Variants in NOS1AP observed in about 807,000 individuals in gnomAD.
The protein encoded by NOS1AP is nitric oxide synthase 1 adaptor protein.
Under a neutral mutation model 56.2 loss-of-function variants are expected in NOS1AP, and 21 were observed. The ratio of observed to expected loss-of-function variants is 0.37; its 90% confidence interval spans 0.26 to 0.54. NOS1AP has a LOEUF of 0.54. Ranked by LOEUF, NOS1AP falls within the 20% of genes least tolerant of loss-of-function variation. The pLI, the probability that NOS1AP is intolerant of heterozygous loss-of-function variation, is 0.84. For missense variants in NOS1AP, 522 were observed against 657.8 expected (o/e 0.79, Z 2.26); for synonymous variants, 270 against 274.6 (o/e 0.98, Z 0.17).
At chr1:162,166,321 G>A (rs1650494428) in intron 2 of NOS1AP, among the ~76,000 whole-genome samples, 1 of 152,218 alleles carries the variant, frequency 6.6e-6, no homozygotes, top group Admixed American at 6.5e-5. Context: ...TGAACTCAGA[G>A]CAAGGCACAT....
At chr1:162,081,434 G>A (rs1691883037) in intron 1 of NOS1AP, among the ~76,000 whole-genome samples, 1 of 151,966 alleles carries the variant, frequency 6.6e-6, no homozygotes. Context: ...GCTCTGGGAG[G>A]CCCTTCCTGG....
chr1:162,178,148 A>G (rs1349718440), intron 2 of NOS1AP, among the ~76,000 whole-genome samples: 1 of 152,218 alleles, frequency 6.6e-6, no homozygotes, highest in Non-Finnish European at 1.5e-5. Context: ...TATGCATTTA[A>G]GATTCCTCTA....
intron 1 of NOS1AP, among the ~76,000 whole-genome samples, chr1:162,117,807 G>A (rs1648030387): frequency 6.6e-6 from 1 of 152,216 alleles, no homozygotes; most frequent in South Asian, 2.1e-4. Flanking sequence ...AGGAAAAGGT[G>A]CCTAGCCCAG....
At chr1:162,215,652 G>A (rs1037509115) in intron 2 of NOS1AP, among the ~76,000 whole-genome samples, 5 of 152,184 alleles carry the variant, frequency 3.3e-5, no homozygotes, top group Non-Finnish European at 5.9e-5. Context: ...TGCTCTCCCA[G>A]CAGGCCCTTT....
chr1:162,101,054 G>GT (rs1647238815), intron 1 of NOS1AP, among the ~76,000 whole-genome samples: 1 of 152,140 alleles, frequency 6.6e-6, no homozygotes, highest in African/African-American at 2.4e-5. Flanking sequence ...TTCTTCTAGG[G>GT]TTTTTGTAGT....
chr1:162,250,977 A>G (rs1295505347), intron 2 of NOS1AP, among the ~76,000 whole-genome samples: 2 of 152,228 alleles, frequency 1.3e-5, no homozygotes, highest in Non-Finnish European at 2.9e-5. Flanking sequence ...GGCACACCTT[A>G]TCATAGCCCC....
chr1:162,148,010 T>G (rs1445063946), intron 1 of NOS1AP, among the ~76,000 whole-genome samples: 3 of 152,114 alleles, frequency 2.0e-5, no homozygotes, highest in Non-Finnish European at 2.9e-5. Context: ...AGGTTTAACA[T>G]ACCACCCCTC....
Position 162,188,669 on chromosome 1 carries a change from T to C in NOS1AP, c.177+34193T>C, listed in dbSNP as rs181582205. On this transcript the variant is annotated intron_variant, in intron 2 of 9. Transcript: ENST00000361897. This position sits in a 1 kb window ranked among gnomAD's most constrained non-coding sequence, Gnocchi z 4.0. The stretch of plus-strand genomic sequence containing the variant: ...GTGGGCTGCATGTGTAGTGGTCTTA[T>C]GTGCCTTCCTTGAAGTGCAGTGAGT... Among the ~76,000 whole-genome samples the C allele has an allele frequency of 8.6e-4, 131 of 152,358 alleles. No individual in the cohort carries two copies. The highest frequency in any genetic ancestry group is 3.1e-3 in the African/African-American group (127 of 41,584).
chr1:162,316,052 C>A (rs1656217876), intron 4 of NOS1AP, among the ~76,000 whole-genome samples: 1 of 152,144 alleles, frequency 6.6e-6, no homozygotes, highest in Non-Finnish European at 1.5e-5. Context: ...GCACAATTCC[C>A]AGAAATTAAT....
intron 4 of NOS1AP, among the ~76,000 whole-genome samples, chr1:162,308,977 TCA>T (rs942879585): frequency 6.6e-6 from 1 of 152,232 alleles, no homozygotes; most frequent in African/African-American, 2.4e-5. Context: ...TGTCTGGCAC[TCA>T]CACTTTTGCC....
intron 1 of NOS1AP, among the ~76,000 whole-genome samples, chr1:162,113,497 T>C (rs1329226234): frequency 6.6e-6 from 1 of 152,142 alleles, no homozygotes; most frequent in Non-Finnish European, 1.5e-5. Flanking sequence ...TTTAATTGGC[T>C]CATGATTCTG....
chr1:162,344,112 TAG>T (rs1657200149), intron 6 of NOS1AP, 136 bp downstream of exon 6: 10 of 952,600 alleles, frequency 1.0e-5, no homozygotes, highest in Non-Finnish European at 1.7e-5. Flanking sequence ...CTCTAAATTC[TAG>T]ATTCTCTTTA....
At chr1:162,337,354 A>G (rs1386721576) in intron 5 of NOS1AP, among the ~76,000 whole-genome samples, 1 of 152,204 alleles carries the variant, frequency 6.6e-6, no homozygotes, top group Non-Finnish European at 1.5e-5. Flanking sequence ...GTGAAGTTGA[A>G]CTGTCCTTTA....
At chr1:162,248,921 C>A (rs577483358) in intron 2 of NOS1AP, among the ~76,000 whole-genome samples, 1 of 152,126 alleles carries the variant, frequency 6.6e-6, no homozygotes, top group Non-Finnish European at 1.5e-5. Flanking sequence ...CCACAGCACC[C>A]CCCCCTTTCC....
chr1:162,161,250 G>A (rs1352600506), intron 2 of NOS1AP, among the ~76,000 whole-genome samples: 4 of 152,162 alleles, frequency 2.6e-5, no homozygotes, highest in African/African-American at 9.7e-5. Context: ...CACATTCATA[G>A]GTTTTGGGGA....
At chr1:162,357,996 T>C (rs2101822432) in intron 8 of NOS1AP, among the ~76,000 whole-genome samples, 1 of 152,278 alleles carries the variant, frequency 6.6e-6, no homozygotes, top group South Asian at 2.1e-4. Flanking sequence ...CAGGGCCTGA[T>C]GAGTGCATGA....
At chr1:162,123,717 C>T (rs10458387) in intron 1 of NOS1AP, among the ~76,000 whole-genome samples, 32,821 of 152,014 alleles carry the variant, frequency 0.22, 4,686 homozygotes, top group South Asian at 0.56. Context: ...ATGAAGGACT[C>T]CAATTTACCC....
intron 4 of NOS1AP, among the ~76,000 whole-genome samples, chr1:162,312,590 A>G (rs1656076085): frequency 1.4e-5 from 2 of 145,612 alleles, no homozygotes; most frequent in African/African-American, 5.1e-5. Context: ...TAGTTTAATT[A>G]GATCCCATTT....
intron 7 of NOS1AP, among the ~76,000 whole-genome samples, chr1:162,355,785 A>G (rs918193109): frequency 1.3e-5 from 2 of 152,132 alleles, no homozygotes; most frequent in African/African-American, 4.8e-5. Context: ...ATTCCTGTGG[A>G]TAGCACTTTG....
Sources: gnomAD v4.1 joint callset for allele counts (sites outside exome capture counted in the v4.1 genomes callset) on GRCh38, gnomAD v4.1.1 for gene constraint, Gnocchi (gnomAD v3.1) non-coding constraint, MANE v1.5 for transcripts, NCBI Gene and HGNC (gene_info 2026-07-23, HGNC 2026-07-21) for gene names.